Variants in ZNF652 observed in about 807,000 individuals in gnomAD.
ZNF652 encodes the protein zinc finger protein 652.
A neutral mutation model predicts 45.2 loss-of-function variants in ZNF652; 16 were observed. The ratio of observed to expected loss-of-function variants is 0.35; its 90% CI spans 0.24 to 0.54. ZNF652 has a LOEUF of 0.54. Ranked by LOEUF, ZNF652 falls within the 20% of genes least tolerant of loss-of-function variation. The probability of loss-of-function intolerance (pLI) is 0.91; values close to 1 mark genes in which losing one functional copy is unlikely to be tolerated. For missense variants in ZNF652, 614 were observed against 765.6 expected (o/e 0.80, Z 2.34); for synonymous variants, 250 against 260.6 (o/e 0.96, Z 0.39).
chr17:49,331,901 G>A (rs1294712186), intron 1 of ZNF652, among the ~76,000 whole-genome samples: 2 of 151,722 alleles, frequency 1.3e-5, no homozygotes, highest in South Asian at 2.1e-4. Flanking sequence ...CCAGGGAGGC[G>A]GAGCTTGCAG....
chr17:49,347,551 C>A lies in ZNF652; in HGVS notation c.-259+14358G>T, dbSNP rs142065233. 5.3e-3 allele frequency among the ~76,000 whole-genome samples: 810 copies of A among 151,994 alleles called. 10 individuals are homozygous for A. Among genetic ancestry groups the A allele is most frequent in the African/African-American group, 0.019 (779 of 41,476 alleles). On this transcript the variant is annotated intron_variant, in intron 1 of 5. Transcript: ENST00000430262. The stretch of plus-strand genomic sequence containing the variant: ...CTGCACTCCAGCCTGGGTGACAGAG[C>A]AAGACTCTGTCTTTAAATATATATA...
At chr17:49,312,874 A>AT (rs769361519) in intron 2 of ZNF652, 29 bp from the exon 3 acceptor site, 1 of 1,605,888 alleles carries the variant, frequency 6.2e-7, no homozygotes, top group Non-Finnish European at 8.5e-7. Flanking sequence ...AATAATATTT[A>AT]TAGGGGCTTA....
Position 49,293,125 on chromosome 17 carries a change from T to C in ZNF652, c.*5288A>G, listed in dbSNP as rs543797727. Among the ~76,000 whole-genome samples the C allele has an allele frequency of 3.9e-5, 6 of 152,294 alleles. No individual in the cohort carries two copies. The South Asian group carries it at 1.2e-3, about 32-fold the overall frequency. On this transcript the variant is annotated 3_prime_UTR_variant, in exon 6 of 6. Transcript: ENST00000430262. ...GGAACCTGTGACCATACATATATTA[T>C]TGAGTAATACATAGAGTAACAAAGC...
At chr17:49,359,342 T>G (rs1369364336) in intron 1 of ZNF652, among the ~76,000 whole-genome samples, 2 of 152,188 alleles carry the variant, frequency 1.3e-5, no homozygotes, top group African/African-American at 4.8e-5. Flanking sequence ...GCTTTCAAAC[T>G]TATAGGGTAT....
chr17:49,300,866 C>T (rs2069543444), intron 5 of ZNF652, among the ~76,000 whole-genome samples: 3 of 152,122 alleles, frequency 2.0e-5, no homozygotes, highest in Admixed American at 6.6e-5. Context: ...TATATTATTA[C>T]CCCTTATTTT....
intron 1 of ZNF652, among the ~76,000 whole-genome samples, chr17:49,337,616 CTG>C (rs1251754925): frequency 1.3e-5 from 2 of 152,158 alleles, no homozygotes; most frequent in African/African-American, 4.8e-5. Flanking sequence ...TAATGGGACT[CTG>C]TGTTACTAAA....
At chr17:49,336,747 C>T (rs1000231376) in intron 1 of ZNF652, among the ~76,000 whole-genome samples, 1 of 151,824 alleles carries the variant, frequency 6.6e-6, no homozygotes, top group Non-Finnish European at 1.5e-5. Flanking sequence ...CTGCTTCAGC[C>T]TCCTGAGTTG....
At chr17:49,345,446 C>A (rs2070194881) in intron 1 of ZNF652, among the ~76,000 whole-genome samples, 1 of 151,410 alleles carries the variant, frequency 6.6e-6, no homozygotes, top group East Asian at 1.9e-4. Flanking sequence ...AAGTGATATG[C>A]CCACCTCGGC....
chr17:49,334,975 G>A (rs180981355), intron 1 of ZNF652, among the ~76,000 whole-genome samples: 4 of 152,160 alleles, frequency 2.6e-5, no homozygotes, highest in African/African-American at 7.2e-5. Flanking sequence ...TAGGGAGGAG[G>A]GGGGAGTGAC....
At chr17:49,315,114 T>A (rs1436426990) in intron 2 of ZNF652, among the ~76,000 whole-genome samples, 2 of 149,958 alleles carry the variant, frequency 1.3e-5, no homozygotes, top group Non-Finnish European at 3.0e-5. Flanking sequence ...CAATCTCGGC[T>A]CACTGCAACC....
intron 1 of ZNF652, among the ~76,000 whole-genome samples, chr17:49,334,309 C>T (rs751758371): frequency 5.9e-5 from 9 of 152,138 alleles, no homozygotes; most frequent in African/African-American, 1.9e-4. Context: ...AGCAAGACCT[C>T]GTCTCTACAA....
At chr17:49,324,332 G>C (rs1391296904) in intron 1 of ZNF652, among the ~76,000 whole-genome samples, 1 of 152,150 alleles carries the variant, frequency 6.6e-6, no homozygotes, top group East Asian at 1.9e-4. Flanking sequence ...TGTTTGGCTT[G>C]ATCTTCCATC....
At chr17:49,301,138 A>C (rs1281992428) in intron 5 of ZNF652, among the ~76,000 whole-genome samples, 1 of 152,110 alleles carries the variant, frequency 6.6e-6, no homozygotes, top group East Asian at 1.9e-4. Flanking sequence ...GCATAGTCCA[A>C]ATTTCTTGTC....
rs1008909112 is a variant in ZNF652 at position 49,294,015 on chromosome 17, T to C, written c.*4398A>G. Among the ~76,000 whole-genome samples, 4 of 152,180 alleles carry C rather than the reference T, an allele frequency of 2.6e-5. No homozygotes were observed. Among genetic ancestry groups the C allele is most frequent in the Admixed American group, 1.3e-4 (2 of 15,272 alleles). ...ACCGACCTATCATTCTGTGTTTTAC[T>C]AACTGAAACCTGCAAGATGGGGTAA... is the stretch of plus-strand genomic sequence containing the variant. On this transcript the variant is annotated 3_prime_UTR_variant, in exon 6 of 6. Transcript: ENST00000430262.
Position 49,316,828 on chromosome 17 carries a change from G to C in ZNF652, c.898C>G (p.Gln300Glu). 1.2e-6 allele frequency: 2 copies of C among 1,608,362 alleles called. No homozygotes were observed. The highest frequency in any genetic ancestry group is 1.7e-6 in the Non-Finnish European group (2 of 1,177,576). Residue 300 changes from glutamine (Q) to glutamate (E), a missense_variant and splice_region_variant, in exon 2 of 6, where the codon CAG (glutamine) becomes GAG (glutamate). Gln to Glu is a conservative substitution (Grantham distance 29, BLOSUM62 2). Around this residue, in one of 5 missense-constraint regions of ZNF652, gnomAD observed 262 missense variants for 306.3 expected, o/e 0.86. Coordinates refer to ENST00000430262, the MANE Select transcript of ZNF652 (RefSeq NM_001145365.3). The part of the protein sequence containing the change: ...HQQTDCEKNI[Q>E]CVSCNKSFKK... The stretch of plus-strand genomic sequence containing the variant: ...TCCCTCTCGGTGATGAAACCTACCT[G>C]AATGTTTTTTTCACAGTCTGTTTGC...
chr17:49,326,721 T>C (rs1011577926), intron 1 of ZNF652, among the ~76,000 whole-genome samples: 14 of 152,332 alleles, frequency 9.2e-5, no homozygotes, highest in Middle Eastern at 3.4e-3. Context: ...ATGTCTCCTA[T>C]TCATACTCCT....
chr17:49,356,997 T>A (rs868254788), intron 1 of ZNF652, among the ~76,000 whole-genome samples: 2,287 of 138,720 alleles, frequency 0.016, 15 homozygotes, highest in Non-Finnish European at 0.02. Flanking sequence ...AACTATGTTT[T>A]AAAAAAAAAA....
At chr17:49,359,348 G>A (rs1203893281) in intron 1 of ZNF652, among the ~76,000 whole-genome samples, 2 of 152,096 alleles carry the variant, frequency 1.3e-5, no homozygotes, top group African/African-American at 2.4e-5. Context: ...AAACTTATAG[G>A]GTATGCTGCA....
intron 1 of ZNF652, among the ~76,000 whole-genome samples, chr17:49,349,739 C>T (rs1302655064): frequency 6.6e-6 from 1 of 152,128 alleles, no homozygotes; most frequent in Non-Finnish European, 1.5e-5. Flanking sequence ...GGTACTATTG[C>T]ACAAGAACTA....
Sources: gnomAD v4.1 joint callset for allele counts (sites outside exome capture counted in the v4.1 genomes callset) on GRCh38, gnomAD v4.1.1 for gene constraint, gnomAD v4.1.1 regional missense constraint, MANE v1.5 for transcripts, NCBI Gene and HGNC (gene_info 2026-07-23, HGNC 2026-07-21) for gene names.